Variants in INTS3 observed in about 807,000 individuals in gnomAD.
The protein encoded by INTS3 is SOSS complex subunit A.
Under a neutral mutation model 146.3 loss-of-function variants are expected in INTS3, and 34 were observed. The observed-to-expected ratio is 0.23, with a 90% confidence interval of 0.18 to 0.31. The LOEUF (loss-of-function observed/expected upper bound fraction) is 0.31, where lower values mean the gene tolerates loss of function less well. INTS3 is among the 10% of genes least tolerant of loss of function. The pLI is 1.00. For missense variants in INTS3, 757 were observed against 1,304.2 expected, an observed-to-expected ratio of 0.58 and a Z score of 6.46; for synonymous variants, 475 against 494.9, an observed-to-expected ratio of 0.96 and a Z score of 0.53.
chr1:153,770,328 G>A lies in INTS3; in HGVS notation c.2503+17G>A. 2 of 1,449,194 alleles carry A rather than the reference G, an allele frequency of 1.4e-6. No homozygotes were observed. Among genetic ancestry groups the A allele is most frequent in the Non-Finnish European group, 1.9e-6 (2 of 1,029,584 alleles). The allele number at this position is 1,449,194 out of a possible 1,614,324, so 89.8% of individuals were successfully genotyped here. On this transcript the variant is annotated intron_variant, in intron 24 of 29. Transcript: ENST00000318967. ...AATACAAGGGTGAGTAGGCTTTTGGGTAGGGAGCACATCAGATATGACACT... is the reference window on the plus strand; with the variant it reads ...AATACAAGGGTGAGTAGGCTTTTGGATAGGGAGCACATCAGATATGACACT...
chr1:153,749,213 C>G (rs1356183084), intron 6 of INTS3, among the ~76,000 whole-genome samples: 1 of 152,068 alleles, frequency 6.6e-6, no homozygotes, highest in Non-Finnish European at 1.5e-5. Context: ...GTGAATCCTG[C>G]TGGAGTTTGC....
chr1:153,758,630 A>G (rs1244271269), intron 10 of INTS3, among the ~76,000 whole-genome samples: 1 of 150,202 alleles, frequency 6.7e-6, no homozygotes, highest in African/African-American at 2.5e-5. Flanking sequence ...CAACATGGCA[A>G]GACCCCATCT....
chr1:153,760,260 AG>A (rs1181865267), intron 11 of INTS3, 50 bp from the exon 12 acceptor site: 4 of 731,880 alleles, frequency 5.5e-6, no homozygotes, highest in Non-Finnish European at 9.5e-6. Flanking sequence ...AAAAAAAAAG[AG>A]AGAGAGAGAC....
chr1:153,760,803 T>A (rs756659891), intron 12 of INTS3, 24 bp from the exon 13 acceptor site: 2 of 1,586,308 alleles, frequency 1.3e-6, no homozygotes. Flanking sequence ...TGTGCTCATT[T>A]TTCCCCTCCT....
chr1:153,757,497 G>A lies in INTS3; in HGVS notation c.958-75G>A. The stretch of plus-strand genomic sequence containing the variant: ...AGGTCTAGGGCAAACCTAGAGTTAA[G>A]TGGTGCTCGTTTTCCTCTGGCCAAG... On this transcript the variant is annotated intron_variant, in intron 9 of 29. Coordinates refer to ENST00000318967, the MANE Select transcript of INTS3 (RefSeq NM_023015.5). The surrounding 1 kb of genome is among the most constrained non-coding windows in gnomAD (Gnocchi z 4.0). 1 of 1,296,540 alleles carries A rather than the reference G, an allele frequency of 7.7e-7. No individual in the cohort carries two copies. The highest frequency in any genetic ancestry group is 1.1e-6 in the Non-Finnish European group (1 of 908,654). 80.3% of individuals were successfully genotyped at this position (1,296,540 alleles called of 1,614,324 possible).
At position 153,765,068 on chromosome 1, in the gene INTS3, G is replaced by C; in HGVS notation, c.2090+5G>C. On this transcript the variant is annotated splice_donor_5th_base_variant and intron_variant, in intron 20 of 29. Transcript: ENST00000318967. Reference sequence around the variant, plus strand: ...GCTCTACTACCTGAGGGCCAGGTGGGTATGGTCCCCATGTTTCAAATGGTG... The same window carrying C: ...GCTCTACTACCTGAGGGCCAGGTGGCTATGGTCCCCATGTTTCAAATGGTG... 1 of 1,614,118 alleles carries C rather than the reference G, an allele frequency of 6.2e-7. No homozygotes were observed. The highest frequency in any genetic ancestry group is 8.5e-7 in the Non-Finnish European group (1 of 1,179,988).
Position 153,757,162 on chromosome 1 carries a change from G to A in INTS3, c.958-410G>A, listed in dbSNP as rs1672191384. Among the ~76,000 whole-genome samples, 1 of 152,192 alleles carries A rather than the reference G, an allele frequency of 6.6e-6. No homozygotes were observed. The highest frequency in any genetic ancestry group is 2.4e-5 in the African/African-American group (1 of 41,444). On this transcript the variant is annotated intron_variant, in intron 9 of 29. Coordinates refer to ENST00000318967, the MANE Select transcript of INTS3 (RefSeq NM_023015.5). This position sits in a 1 kb window ranked among gnomAD's most constrained non-coding sequence, Gnocchi z 4.0. ...AGGAAATTCTCAGTTGATGTTGAGT[G>A]GTGAACAGACCCAGCTCTTACTCTT...
At position 153,772,023 on chromosome 1, in the gene INTS3, T is replaced by TGGG. The variant is rs1672900800; in HGVS notation, c.2720+62_2720+63insGGG. 1.1e-6 allele frequency: 1 copy of TGGG among 883,540 alleles called. No homozygotes were observed. The highest frequency in any genetic ancestry group is 1.5e-6 in the Non-Finnish European group (1 of 656,230). The allele number at this position is 883,540 out of a possible 1,614,324, so 54.7% of individuals were successfully genotyped here. ...GGCGGTCTGCAGTGATTGCTGTCGG[T>TGGG]GGTGGTGGTGGTGGTGGTGGTGGTG... On this transcript the variant is annotated intron_variant, in intron 26 of 29. Transcript: ENST00000318967. The surrounding 1 kb of genome is among the most constrained non-coding windows in gnomAD (Gnocchi z 4.6).
At chr1:153,755,337 C>G (rs371056116) in intron 9 of INTS3, among the ~76,000 whole-genome samples, 1 of 152,146 alleles carries the variant, frequency 6.6e-6, no homozygotes, top group South Asian at 2.1e-4. Flanking sequence ...GATCTCGGCT[C>G]TCCGCAGCCT....
At chr1:153,750,455 A>G (rs1671916962) in intron 6 of INTS3, among the ~76,000 whole-genome samples, 1 of 152,060 alleles carries the variant, frequency 6.6e-6, no homozygotes, top group Non-Finnish European at 1.5e-5. Flanking sequence ...TCTTTTTTTC[A>G]GGTTGTGATT....
chr1:153,761,323 C>T, intron 13 of INTS3: 1 of 492,370 alleles, frequency 2.0e-6, no homozygotes, highest in East Asian at 3.5e-5. Context: ...CCTGCCTGGC[C>T]AACATGGCAA....
At chr1:153,734,524 C>G (rs1292591358) in intron 1 of INTS3, among the ~76,000 whole-genome samples, 1 of 152,212 alleles carries the variant, frequency 6.6e-6, no homozygotes, top group East Asian at 1.9e-4. Flanking sequence ...AGCTGAGCCT[C>G]TCTGTTCCAA....
In INTS3 at chr1:153,772,656, A is replaced by G. The variant is rs374572128; in HGVS notation, c.2839A>G (p.Ile947Val). The G allele has an allele frequency of 2.0e-5, 32 of 1,614,040 alleles. No individual in the cohort carries two copies. Among genetic ancestry groups the G allele is most frequent in the African/African-American group, 8.0e-5 (6 of 74,900 alleles). The change falls in exon 28 of 30, where the codon ATT (isoleucine) becomes GTT (valine). Residue 947 changes from isoleucine to valine, a missense_variant. Coordinates refer to ENST00000318967, the MANE Select transcript of INTS3 (RefSeq NM_023015.5). The surrounding 1 kb of genome is among the most constrained non-coding windows in gnomAD (Gnocchi z 4.6). The part of the protein sequence containing the change: ...TKQNFFSQTP[I>V]LQALQHVQAS... The stretch of plus-strand genomic sequence containing the variant: ...TCCTCTAGTTTTTAGCCAGACGCCA[A>G]TTCTCCAGGCGCTGCAGCATGTCCA...
chr1:153,744,772 C>T (rs887475279), intron 3 of INTS3, among the ~76,000 whole-genome samples: 2 of 152,184 alleles, frequency 1.3e-5, no homozygotes, highest in Non-Finnish European at 2.9e-5. Context: ...CGGAGTGGCT[C>T]ATGCCTGTAA....
chr1:153,744,408 A>G (rs1570846362), intron 3 of INTS3, among the ~76,000 whole-genome samples: 2 of 152,160 alleles, frequency 1.3e-5, no homozygotes, highest in Non-Finnish European at 1.5e-5. Context: ...TCCTCTGCCC[A>G]TTCTGTGACT....
At chr1:153,769,975 G>C (rs1672753628) in intron 23 of INTS3, 131 bp downstream of exon 23, 1 of 731,410 alleles carries the variant, frequency 1.4e-6, no homozygotes, top group African/African-American at 1.7e-5. Flanking sequence ...ACTCCACCCT[G>C]GTGCGGTCTG....
At chr1:153,758,541 C>T (rs1344741127) in intron 10 of INTS3, among the ~76,000 whole-genome samples, 1 of 152,054 alleles carries the variant, frequency 6.6e-6, no homozygotes, top group Non-Finnish European at 1.5e-5. Context: ...AGCACGGTGG[C>T]TCACGCCTGT....
chr1:153,764,233 T>A lies in INTS3; in HGVS notation c.1925+12T>A. On this transcript the variant is annotated intron_variant, in intron 18 of 29. Transcript: ENST00000318967. ...GAGATTACTGAGGAGTAAGGCTGAT[T>A]TTCCCTCACTCCAGAGCCTCAGGAG... 1.9e-6 allele frequency: 3 copies of A among 1,581,950 alleles called. No individual in the cohort carries two copies. The African/African-American group carries it at 4.1e-5, about 21-fold the overall frequency.
chr1:153,752,127 G>C, intron 7 of INTS3, 152 bp from the exon 8 acceptor site: 1 of 800,430 alleles, frequency 1.2e-6, no homozygotes, highest in African/African-American at 1.7e-5. Context: ...ACAGCTAGGA[G>C]CCAATCCTTT....
Sources: gnomAD v4.1 joint callset for allele counts (sites outside exome capture counted in the v4.1 genomes callset) on GRCh38, gnomAD v4.1.1 for gene constraint, Gnocchi (gnomAD v3.1) non-coding constraint, MANE v1.5 for transcripts, NCBI Gene and HGNC (gene_info 2026-07-23, HGNC 2026-07-21) for gene names.